MTOR: variants seen among roughly 807,000 people sequenced by gnomAD.
MTOR encodes serine/threonine-protein kinase mTOR.
Under a neutral mutation model 319.8 loss-of-function variants are expected in MTOR, and 70 were observed. The observed-to-expected ratio is 0.22, with a 90% CI of 0.18 to 0.27. MTOR has a LOEUF of 0.27. Among genes scored for constraint, MTOR ranks in the 10% least tolerant of loss-of-function variants. The pLI, the probability that MTOR is intolerant of heterozygous loss-of-function variation, is 1.00. For synonymous variants in MTOR, 1,183 were observed against 1,211.4 expected, an observed-to-expected ratio of 0.98 and a Z score of 0.49; for missense variants, 1,890 against 3,274.4, an observed-to-expected ratio of 0.58 and a Z score of 10.32.
intron 23 of MTOR, among the ~76,000 whole-genome samples, chr1:11,211,931 C>G (rs1437991015): frequency 2.6e-5 from 4 of 152,128 alleles, no homozygotes; most frequent in African/African-American, 9.7e-5. Context: ...TTCTTTGCAA[C>G]CAGGCCTTTA....
intron 28 of MTOR, chr1:11,190,059 G>A: frequency 7.3e-7 from 1 of 1,376,606 alleles, no homozygotes; most frequent in Non-Finnish European, 9.8e-7. Context: ...CTCTTTTGTG[G>A]GTACACTTTC....
rs1488834156 is a variant in MTOR, at chr1:11,109,278, T to C, written c.7528+12A>G. On this transcript the variant is annotated intron_variant, in intron 56 of 57. Transcript: ENST00000361445. The surrounding 1 kb of genome is among the most constrained non-coding windows in gnomAD (Gnocchi z 4.0). ...TTTATGTCCCTTTTAAGTAAACACA[T>C]GACACACTCACCAGTGAGCTTATCT... 11 of 1,612,422 alleles carry C rather than the reference T, an allele frequency of 6.8e-6. No homozygotes were observed. The highest frequency in any genetic ancestry group is 9.3e-6 in the Non-Finnish European group (11 of 1,178,944).
chr1:11,248,024 A>G lies in MTOR; in HGVS notation c.911T>C (p.Met304Thr), dbSNP rs773916437. ...LVHDKYCKDL[M>T]GFGTKPRHIT... Reference sequence around the variant, plus strand: ...GTGACGAGGTTTTGTTCCGAAGCCCATGAGATCTTTGCAGTACTTGTCGTG... The same window carrying G: ...GTGACGAGGTTTTGTTCCGAAGCCCGTGAGATCTTTGCAGTACTTGTCGTG... The change falls in exon 7 of 58, where the codon ATG becomes ACG. Residue 304 changes from methionine (M) to threonine (T), a missense_variant. Physicochemically the swap from Met to Thr is moderately conservative, Grantham distance 81. Coordinates refer to ENST00000361445, the MANE Select transcript of MTOR (RefSeq NM_004958.4). The G allele has an allele frequency of 1.9e-6, 3 of 1,614,166 alleles. No individual in the cohort carries two copies. The highest frequency in any genetic ancestry group is 2.5e-6 in the Non-Finnish European group (3 of 1,180,034).
intron 24 of MTOR, among the ~76,000 whole-genome samples, chr1:11,210,442 T>C (rs1480867622): frequency 1.3e-5 from 2 of 152,242 alleles, no homozygotes; most frequent in Non-Finnish European, 2.9e-5. Context: ...GCCCTCTGCC[T>C]GTTTTTATAT....
At chr1:11,118,227 AAT>A in intron 49 of MTOR, among the ~76,000 whole-genome samples, 1 of 135,598 alleles carries the variant, frequency 7.4e-6, no homozygotes, top group African/African-American at 3.3e-5. Flanking sequence ...AAACTTAGTT[AAT>A]TTTTTTTTTT....
chr1:11,192,748 T>TAA (rs56996673), intron 28 of MTOR, among the ~76,000 whole-genome samples: 77 of 119,226 alleles, frequency 6.5e-4, no homozygotes, highest in African/African-American at 2.3e-3. Context: ...CCATTTCAAT[T>TAA]AAAAAAAAAA....
At position 11,212,621 on chromosome 1, in the gene MTOR, T is replaced by A. The variant is rs1397085544; in HGVS notation, c.3399-147A>T. On this transcript the variant is annotated intron_variant, in intron 22 of 57. Coordinates refer to ENST00000361445, the MANE Select transcript of MTOR (RefSeq NM_004958.4). This position sits in a 1 kb window ranked among gnomAD's most constrained non-coding sequence, Gnocchi z 4.1. Reference sequence around the variant, plus strand: ...TGGATGACATGGATCCAACATTTATTCCAATGGGATAGGGACAGTTAAGAT... The same window carrying A: ...TGGATGACATGGATCCAACATTTATACCAATGGGATAGGGACAGTTAAGAT... The A allele has an allele frequency of 4.4e-6, 5 of 1,127,606 alleles. No homozygotes were observed. Among genetic ancestry groups the A allele is most frequent in the African/African-American group, 1.6e-5 (1 of 63,644 alleles). The allele number at this position is 1,127,606 out of a possible 1,614,324, so 69.9% of individuals were successfully genotyped here.
chr1:11,257,667 C>T (rs1057097689), intron 3 of MTOR, among the ~76,000 whole-genome samples: 1 of 151,824 alleles, frequency 6.6e-6, no homozygotes, highest in Non-Finnish European at 1.5e-5. Flanking sequence ...TCATTTTAAC[C>T]CAGATATTTA....
intron 12 of MTOR, 83 bp downstream of exon 12, chr1:11,238,319 G>A: frequency 4.3e-6 from 6 of 1,400,754 alleles, no homozygotes; most frequent in Non-Finnish European, 6.1e-6. Context: ...GAACTCTAGA[G>A]AGGCCATGTA....
chr1:11,222,592 G>C (rs983322971), intron 19 of MTOR, among the ~76,000 whole-genome samples: 1 of 151,974 alleles, frequency 6.6e-6, no homozygotes, highest in African/African-American at 2.4e-5. Context: ...TCTCAACTCA[G>C]CCTCCCAAAG....
intron 23 of MTOR, among the ~76,000 whole-genome samples, chr1:11,211,172 C>A (rs1646301010): frequency 6.6e-6 from 1 of 152,190 alleles, no homozygotes; most frequent in African/African-American, 2.4e-5. Flanking sequence ...ATTGAGTTAT[C>A]ATTTAAAAAT....
chr1:11,194,529 T>C (rs1645699495), intron 28 of MTOR: 1 of 1,614,004 alleles, frequency 6.2e-7, no homozygotes, highest in Admixed American at 1.7e-5. Context: ...TCAACAGCTA[T>C]CGCCTCTTCC....
chr1:11,160,433 G>T (rs1160630156), intron 29 of MTOR, among the ~76,000 whole-genome samples: 1 of 152,114 alleles, frequency 6.6e-6, no homozygotes, highest in Non-Finnish European at 1.5e-5. Context: ...ACTGGCCATG[G>T]TGTCTTCCTA....
intron 2 of MTOR, 26 bp downstream of exon 2, chr1:11,259,219 CAAT>C (rs1320299361): frequency 1.2e-6 from 2 of 1,609,324 alleles, no homozygotes; most frequent in Admixed American, 3.4e-5. Flanking sequence ...ACACATCCCA[CAAT>C]GACTGGCCCC....
intron 28 of MTOR, chr1:11,189,800 GGGTCAGCGT>G: frequency 6.2e-7 from 1 of 1,614,212 alleles, no homozygotes; most frequent in Admixed American, 1.7e-5. Flanking sequence ...GAGAGGGACT[GGGTCAGCGT>G]GGTCATGCAG....
At chr1:11,172,384 C>T (rs1644844045) in intron 28 of MTOR, among the ~76,000 whole-genome samples, 2 of 148,606 alleles carry the variant, frequency 1.3e-5, no homozygotes, top group African/African-American at 2.5e-5. Flanking sequence ...GGTGAAACCC[C>T]GTCTCTACTA....
At chr1:11,193,432 A>G in intron 28 of MTOR, 1 of 680,088 alleles carries the variant, frequency 1.5e-6, no homozygotes, top group Non-Finnish European at 2.4e-6. Flanking sequence ...GCAGTGGGGC[A>G]GCATCACTGC....
At chr1:11,229,206 T>C (rs1242438295) in intron 18 of MTOR, among the ~76,000 whole-genome samples, 5 of 152,204 alleles carry the variant, frequency 3.3e-5, no homozygotes, top group Non-Finnish European at 5.9e-5. Context: ...TTTAGCTTCT[T>C]ACCGTTCACA....
At position 11,240,331 on chromosome 1, in the gene MTOR, G is replaced by A. The variant is rs1486868250; in HGVS notation, c.1758C>T (p.Leu586=). The A allele has an allele frequency of 6.3e-7, 1 of 1,578,086 alleles. No homozygotes were observed. The highest frequency in any genetic ancestry group is 8.6e-7 in the Non-Finnish European group (1 of 1,160,742). ...CAAATTCAAAGCTGCCAAGCGTTCG[G>A]AGGGCAAGAGTGATGCTGCCCACAT... ...ASDVGSITLA[L]RTLGSFEFEG... Residue 586 remains leucine (L), a synonymous_variant, in exon 11 of 58, where the codon CTC becomes CTT. Transcript: ENST00000361445.
Sources: allele counts gnomAD v4.1 joint callset (sites outside exome capture counted in the v4.1 genomes callset), GRCh38; gene constraint gnomAD v4.1.1; non-coding constraint Gnocchi (gnomAD v3.1); transcripts MANE v1.5; gene names NCBI Gene and HGNC (gene_info 2026-07-23, HGNC 2026-07-21).